Variants in COPZ1 observed in about 807,000 individuals in gnomAD.
COPZ1 encodes the protein coatomer subunit zeta-1.
A neutral mutation model predicts 31.7 loss-of-function variants in COPZ1; 4 were observed. The ratio of observed to expected loss-of-function variants is 0.13; its 90% CI spans 0.06 to 0.29. The LOEUF is 0.29. Among genes scored for constraint, COPZ1 ranks in the 10% least tolerant of loss-of-function variants. The pLI is 1.00. For missense variants in COPZ1, 156 were observed against 211.5 expected (o/e 0.74, Z 1.63); for synonymous variants, 74 against 79.0 (o/e 0.94, Z 0.33).
rs1182592654 is a variant in COPZ1, at chr12:54,337,019, CA to C, written c.19-3503del. 6.0e-3 allele frequency among the ~76,000 whole-genome samples: 367 copies of C among 61,646 alleles called. 2 individuals are homozygous for C. Among genetic ancestry groups the C allele is most frequent in the African/African-American group, 0.023 (287 of 12,428 alleles). 40.4% of individuals were successfully genotyped at this position (61,646 alleles called of 152,430 possible). A position where few individuals can be genotyped will look rare whatever the true frequency, so the allele number is the denominator to read the frequency against. ...CCTGGGTGACAGAGAGAGACTGTCG[CA>C]AAAAAAAAAAAAAAAAAAAAAAAAG... On this transcript the variant is annotated intron_variant, in intron 1 of 8. Coordinates refer to ENST00000262061, the MANE Select transcript of COPZ1 (RefSeq NM_016057.3).
intron 2 of COPZ1, among the ~76,000 whole-genome samples, chr12:54,341,436 G>A (rs555321584): frequency 3.2e-4 from 49 of 152,244 alleles, no homozygotes; most frequent in African/African-American, 8.9e-4. Context: ...TATTAACTCC[G>A]GGCGAGCGTA....
chr12:54,349,369 T>A (rs1364174232), intron 7 of COPZ1, among the ~76,000 whole-genome samples: 1 of 152,200 alleles, frequency 6.6e-6, no homozygotes, highest in Non-Finnish European at 1.5e-5. Context: ...TTACTCTGAA[T>A]GGAGTTAAAT....
chr12:54,330,912 G>A (rs918233225), intron 1 of COPZ1, among the ~76,000 whole-genome samples: 1 of 152,178 alleles, frequency 6.6e-6, no homozygotes, highest in African/African-American at 2.4e-5. Flanking sequence ...TGGATTCAGA[G>A]AATGAGTCCA....
At chr12:54,344,351 A>G (rs1358202189) in intron 4 of COPZ1, among the ~76,000 whole-genome samples, 1 of 152,158 alleles carries the variant, frequency 6.6e-6, no homozygotes, top group Non-Finnish European at 1.5e-5. Context: ...AGGCCGAGGC[A>G]GGCGGATCAC....
intron 1 of COPZ1, among the ~76,000 whole-genome samples, chr12:54,326,720 C>T (rs1171156815): frequency 6.1e-5 from 9 of 148,362 alleles, no homozygotes; most frequent in South Asian, 2.1e-4. Context: ...TAACTCCCAG[C>T]CTTCTTCCTT....
At chr12:54,325,735 A>G (rs1953620322) in intron 1 of COPZ1, 1 of 152,760 alleles carries the variant, frequency 6.5e-6, no homozygotes, top group African/African-American at 2.4e-5. Context: ...TGATAAAGTT[A>G]GCATGGATTG....
intron 1 of COPZ1, chr12:54,337,221 A>G (rs895421186): frequency 1.9e-6 from 1 of 534,542 alleles, no homozygotes; most frequent in African/African-American, 1.9e-5. Context: ...ATTTCCAAGC[A>G]CGATTAGCAT....
Position 54,349,340 on chromosome 12 carries a change from G to A in COPZ1, c.448-280G>A, listed in dbSNP as rs578184168. On this transcript the variant is annotated intron_variant, in intron 7 of 8. Transcript: ENST00000262061. Reference sequence around the variant, plus strand: ...TCCACCCCCACGTTAAGGGAGTTGAGGATCAGATAACCTGCTGGTTACTCT... The same window carrying A: ...TCCACCCCCACGTTAAGGGAGTTGAAGATCAGATAACCTGCTGGTTACTCT... Among the ~76,000 whole-genome samples the A allele has an allele frequency of 1.1e-4, 16 of 152,252 alleles. No individual in the cohort carries two copies. The South Asian group carries it at 3.3e-3, about 32-fold the overall frequency.
At position 54,343,301 on chromosome 12, in the gene COPZ1, C is replaced by T. The variant is rs774553751; in HGVS notation, c.246C>T (p.Ser82=). 1.2e-6 allele frequency: 2 copies of T among 1,613,200 alleles called. No homozygotes were observed. The highest frequency in any genetic ancestry group is 3.3e-5 in the Admixed American group (2 of 60,008). The change falls in exon 4 of 9, where the codon AGC becomes AGT. Residue 82 remains serine (S), a synonymous_variant. Transcript: ENST00000262061. The part of the protein sequence containing the change: ...SIDLYFYVIG[S]SYENELMLMA... ...ATCTCTATTTCTATGTGATTGGCAGCTCCTATGAAAATGAGGTGAGAATCC... is the reference window on the plus strand; with the variant it reads ...ATCTCTATTTCTATGTGATTGGCAGTTCCTATGAAAATGAGGTGAGAATCC...
chr12:54,350,033 C>A (rs1954121020), intron 8 of COPZ1: 2 of 597,114 alleles, frequency 3.3e-6, no homozygotes, highest in Non-Finnish European at 5.9e-6. Flanking sequence ...GCTGGAAATG[C>A]ATATTCTAGA....
rs761066992 is a variant in COPZ1 at position 54,340,599 on chromosome 12, A to T, written c.71A>T (p.Asp24Val). ...KAILILDNDG[D>V]RLFAKYYDDT... Reference sequence around the variant, plus strand: ...ATCCTGATTCTGGACAATGATGGAGATCGACTTTTTGCCAAGGTGAGATTC... The same window carrying T: ...ATCCTGATTCTGGACAATGATGGAGTTCGACTTTTTGCCAAGGTGAGATTC... The change falls in exon 2 of 9, where the codon GAT (aspartate) becomes GTT (valine). Residue 24 changes from aspartate (D) to valine (V), a missense_variant. Asp to Val is a radical substitution (Grantham distance 152). Coordinates refer to ENST00000262061, the MANE Select transcript of COPZ1 (RefSeq NM_016057.3). The T allele has an allele frequency of 6.2e-7, 1 of 1,613,796 alleles. No individual in the cohort carries two copies. Among genetic ancestry groups the T allele is most frequent in the South Asian group, 1.1e-5 (1 of 91,006 alleles).
Position 54,325,244 on chromosome 12 carries a change from G to C in COPZ1, c.18+63G>C, listed in dbSNP as rs575567369. 2.7e-5 allele frequency: 42 copies of C among 1,528,418 alleles called. No homozygotes were observed. In the East Asian group the frequency reaches 7.4e-4, roughly 27 times the overall value. The allele number at this position is 1,528,418 out of a possible 1,614,324, so 94.7% of individuals were successfully genotyped here. A position where few individuals can be genotyped will look rare whatever the true frequency, so the allele number is the denominator to read the frequency against. The stretch of plus-strand genomic sequence containing the variant: ...CACAGGGGCCGGGAGTCAGGGTTCA[G>C]CCCGAGTGGGAGACGGGGAAAGAGA... On this transcript the variant is annotated intron_variant, in intron 1 of 8. Coordinates refer to ENST00000262061, the MANE Select transcript of COPZ1 (RefSeq NM_016057.3).
rs774927209 is a variant in COPZ1 at position 54,340,574 on chromosome 12, A to T, written c.46A>T (p.Ile16Phe). 6 of 1,614,128 alleles carry T rather than the reference A, an allele frequency of 3.7e-6. No individual in the cohort carries two copies. The Admixed American group carries it at 5.0e-5, about 13-fold the overall frequency. ...LEPSLYTVKA[I>F]LILDNDGDRL... is the part of the protein sequence containing the mutation. ...ACCTTCCCTGTATACTGTCAAAGCC[A>T]TCCTGATTCTGGACAATGATGGAGA... Residue 16 changes from isoleucine (I) to phenylalanine (F), a missense_variant, in exon 2 of 9, where the codon ATC becomes TTC. By Grantham distance (21) the Ile-to-Phe change is conservative. Coordinates refer to ENST00000262061, the MANE Select transcript of COPZ1 (RefSeq NM_016057.3).
At chr12:54,331,424 A>AT (rs1953753204) in intron 1 of COPZ1, among the ~76,000 whole-genome samples, 1 of 152,008 alleles carries the variant, frequency 6.6e-6, no homozygotes, top group South Asian at 2.1e-4. Flanking sequence ...TGTGATCCAC[A>AT]TGCCTTGGCC....
intron 1 of COPZ1, among the ~76,000 whole-genome samples, chr12:54,336,923 G>A (rs781622002): frequency 1.3e-4 from 20 of 150,566 alleles, no homozygotes; most frequent in Admixed American, 2.7e-4. Flanking sequence ...CCGGGAGGCT[G>A]AGGCACAAGA....
intron 1 of COPZ1, among the ~76,000 whole-genome samples, chr12:54,329,395 C>A (rs192650786): frequency 5.3e-5 from 8 of 152,044 alleles, no homozygotes; most frequent in African/African-American, 1.9e-4. Context: ...ACCAGCCTGA[C>A]CAACATGGTG....
At chr12:54,341,206 C>T (rs1953968008) in intron 2 of COPZ1, among the ~76,000 whole-genome samples, 2 of 152,074 alleles carry the variant, frequency 1.3e-5, no homozygotes, top group Non-Finnish European at 2.9e-5. Context: ...ATTCCTGTCC[C>T]CTTCCCTCAT....
At chr12:54,325,274 C>T (rs1029281082) in intron 1 of COPZ1, 93 bp downstream of exon 1, 15 of 1,465,800 alleles carry the variant, frequency 1.0e-5, no homozygotes, top group Non-Finnish European at 1.2e-5. Flanking sequence ...AAGAGAGTTC[C>T]GGGTAATTCT....
At chr12:54,342,354 G>A (rs1374037177) in intron 3 of COPZ1, 67 bp downstream of exon 3, 15 of 1,133,400 alleles carry the variant, frequency 1.3e-5, no homozygotes, top group African/African-American at 4.6e-5. Context: ...GGTGGTAACA[G>A]GGCTGCAGAG....
Sources: gnomAD v4.1 joint callset for allele counts (sites outside exome capture counted in the v4.1 genomes callset) on GRCh38, gnomAD v4.1.1 for gene constraint, MANE v1.5 for transcripts, NCBI Gene and HGNC (gene_info 2026-07-23, HGNC 2026-07-21) for gene names.